KY: variants seen among roughly 807,000 people sequenced by gnomAD.
The protein encoded by KY is kyphoscoliosis peptidase.
Under a neutral mutation model 76.1 loss-of-function variants are expected in KY, and 43 were observed. The observed-to-expected ratio is 0.57, with a 90% CI of 0.44 to 0.73. The LOEUF is 0.73. Among genes scored for constraint, KY ranks in the 30% least tolerant of loss-of-function variants. KY has a pLI of 0.00. For missense variants in KY, 722 were observed against 828.9 expected, an observed-to-expected ratio of 0.87 and a Z score of 1.58; for synonymous variants, 277 against 326.2, an observed-to-expected ratio of 0.85 and a Z score of 1.63.
intron 9 of KY, among the ~76,000 whole-genome samples, chr3:134,609,068 A>T (rs951766285): frequency 1.3e-5 from 2 of 152,184 alleles, no homozygotes; most frequent in Non-Finnish European, 2.9e-5. Context: ...TGTGGTCTGC[A>T]CTCAGTGCCC....
intron 1 of KY, among the ~76,000 whole-genome samples, chr3:134,648,974 G>A (rs1195924611): frequency 1.3e-5 from 2 of 152,138 alleles, no homozygotes; most frequent in Admixed American, 6.5e-5. Flanking sequence ...GGAACAAGCT[G>A]GTCTTATTGG....
chr3:134,607,054 G>T (rs377473534), intron 10 of KY: 3 of 985,044 alleles, frequency 3.0e-6, no homozygotes, highest in African/African-American at 1.7e-5. Context: ...AAGGAATCTG[G>T]TGTTTATATT....
rs1192623219 is a variant in KY at position 134,603,540 on chromosome 3, G to T, written c.*39C>A. 2.6e-6 allele frequency: 4 copies of T among 1,533,882 alleles called. No individual in the cohort carries two copies. The African/African-American group carries it at 5.5e-5, about 21-fold the overall frequency. The stretch of plus-strand genomic sequence containing the variant: ...TTCGAGCCCTCCCTGGGGAGGTCTG[G>T]CCTTGGCCCTTTGGGAGGGTAAGAC... On this transcript the variant is annotated 3_prime_UTR_variant, in exon 11 of 11. Transcript: ENST00000423778.
intron 3 of KY, among the ~76,000 whole-genome samples, chr3:134,636,819 T>A (rs1484443760): frequency 1.3e-5 from 2 of 152,252 alleles, no homozygotes; most frequent in Admixed American, 1.3e-4. Flanking sequence ...TAATAATACC[T>A]GGTTGTGTTG....
Position 134,602,201 on chromosome 3 carries a change from G to A in KY, c.*1378C>T, listed in dbSNP as rs993033920. On this transcript the variant is annotated 3_prime_UTR_variant, in exon 11 of 11. Coordinates refer to ENST00000423778, the MANE Select transcript of KY (RefSeq NM_178554.6). The stretch of plus-strand genomic sequence containing the variant: ...CGGGAGTTCAGCAGGGAGCATGTCT[G>A]TGTGCCAGGATGGTTCTGCAGTGGC... 5.9e-5 allele frequency among the ~76,000 whole-genome samples: 9 copies of A among 152,152 alleles called. No individual in the cohort carries two copies. The highest frequency in any genetic ancestry group is 1.5e-5 in the Non-Finnish European group (1 of 68,024).
chr3:134,629,614 T>C lies in KY; in HGVS notation c.337+7A>G. On this transcript the variant is annotated splice_region_variant and intron_variant, in intron 4 of 10. Transcript: ENST00000423778. ...CCCTCCACCATGAGTACCTGTGTCA[T>C]ACATACGTTTAGCCAAGGAGAACTT... 6.3e-7 allele frequency: 1 copy of C among 1,592,552 alleles called. No homozygotes were observed. Among genetic ancestry groups the C allele is most frequent in the Non-Finnish European group, 8.6e-7 (1 of 1,168,864 alleles).
At chr3:134,623,230 G>A (rs915377096) in intron 6 of KY, among the ~76,000 whole-genome samples, 8 of 152,136 alleles carry the variant, frequency 5.3e-5, no homozygotes, top group African/African-American at 1.9e-4. Context: ...TCTGGCCTCC[G>A]CTGGCTTCCT....
intron 6 of KY, among the ~76,000 whole-genome samples, chr3:134,623,533 G>A (rs1283994490): frequency 1.3e-5 from 2 of 151,722 alleles, no homozygotes; most frequent in African/African-American, 4.8e-5. Context: ...TTTCCTGGCT[G>A]CTCCATGCCC....
intron 3 of KY, among the ~76,000 whole-genome samples, chr3:134,634,547 G>A (rs1964667666): frequency 1.3e-5 from 2 of 152,188 alleles, no homozygotes; most frequent in Non-Finnish European, 2.9e-5. Context: ...TGGAAAATAA[G>A]CACATGAAAA....
intron 8 of KY, among the ~76,000 whole-genome samples, chr3:134,612,643 A>G (rs751855331): frequency 3.3e-4 from 50 of 152,082 alleles, no homozygotes; most frequent in Non-Finnish European, 6.3e-4. Context: ...CTGGGTGAGG[A>G]GAAGAAATGT....
Position 134,650,943 on chromosome 3 carries a change from G to A in KY, c.18C>T (p.Asp6=). MELKK[D]INAVSIDMLL... is the part of the protein sequence containing the mutation. ...GCATGTCGATAGATACAGCGTTGAT[G>A]TCCTTCTTCAGCTCCATGATGCCGC... Residue 6 remains aspartate, a synonymous_variant, in exon 1 of 11, where the codon GAC becomes GAT. Transcript: ENST00000423778. The A allele has an allele frequency of 6.2e-7, 1 of 1,613,320 alleles. No homozygotes were observed. Among genetic ancestry groups the A allele is most frequent in the African/African-American group, 1.3e-5 (1 of 75,044 alleles).
chr3:134,643,425 T>C (rs1221963601), intron 2 of KY, 47 bp from the exon 3 acceptor site: 5 of 1,550,818 alleles, frequency 3.2e-6, no homozygotes, highest in Non-Finnish European at 3.6e-6. Context: ...TGGGGAATTT[T>C]CCCCAGGCAG....
At position 134,604,194 on chromosome 3, in the gene KY, G is replaced by A; in HGVS notation, c.1371C>T (p.Phe457=). 4 of 1,612,192 alleles carry A rather than the reference G, an allele frequency of 2.5e-6. No individual in the cohort carries two copies. In the South Asian group the frequency reaches 3.3e-5, roughly 13 times the overall value. ...GCTTCATGATGCCCATCTGCTCCGA[G>A]AACCAGCTGGGGCCCACGGGCTGGT... The part of the protein sequence containing the change: ...ELHQPVGPSW[F]SEQMGIMKPS... The change falls in exon 11 of 11, where the codon TTC becomes TTT. Residue 457 remains phenylalanine (F), a synonymous_variant. Coordinates refer to ENST00000423778, the MANE Select transcript of KY (RefSeq NM_178554.6).
At chr3:134,621,514 A>G (rs1044313204) in intron 6 of KY, among the ~76,000 whole-genome samples, 1 of 152,208 alleles carries the variant, frequency 6.6e-6, no homozygotes, top group Admixed American at 6.5e-5. Flanking sequence ...GAGTTTCCAC[A>G]TGCAAAAGAA....
At chr3:134,637,985 G>C (rs1451201712) in intron 3 of KY, among the ~76,000 whole-genome samples, 1 of 152,190 alleles carries the variant, frequency 6.6e-6, no homozygotes, top group Non-Finnish European at 1.5e-5. Context: ...TCTTGGACAG[G>C]GGTCAATGTC....
chr3:134,626,988 C>T (rs1452270196), intron 5 of KY, among the ~76,000 whole-genome samples: 1 of 152,206 alleles, frequency 6.6e-6, no homozygotes, highest in African/African-American at 2.4e-5. Flanking sequence ...AACAGATTTC[C>T]ACTCAGTATA....
At chr3:134,618,109 G>A (rs976497377) in intron 8 of KY, among the ~76,000 whole-genome samples, 3 of 152,132 alleles carry the variant, frequency 2.0e-5, no homozygotes, top group African/African-American at 7.2e-5. Flanking sequence ...GTGAGAAAAG[G>A]GAAGTACAGG....
chr3:134,620,931 C>T (rs923232963), intron 6 of KY, 74 bp from the exon 7 acceptor site: 1 of 858,300 alleles, frequency 1.2e-6, no homozygotes, highest in Non-Finnish European at 1.9e-6. Flanking sequence ...CTTGCACCTA[C>T]AGCCAGTGCT....
intron 4 of KY, chr3:134,629,314 A>G (rs1027623915): frequency 1.1e-5 from 4 of 358,140 alleles, no homozygotes; most frequent in Admixed American, 8.1e-5. Flanking sequence ...TTTGCATGCC[A>G]CTTTTCTGGC....
Sources: gnomAD v4.1 joint callset for allele counts (sites outside exome capture counted in the v4.1 genomes callset) on GRCh38, gnomAD v4.1.1 for gene constraint, MANE v1.5 for transcripts, NCBI Gene and HGNC (gene_info 2026-07-23, HGNC 2026-07-21) for gene names.